SCNN1G: variants seen among roughly 807,000 people sequenced by gnomAD.
SCNN1G encodes the protein sodium channel epithelial 1 subunit gamma.
In SCNN1G, 27 loss-of-function variants were observed where a neutral mutation model predicts 64.6. The observed-to-expected ratio is 0.42, with a 90% CI of 0.31 to 0.58. The LOEUF (loss-of-function observed/expected upper bound fraction) is 0.58, where lower values mean the gene tolerates loss of function less well. Among genes scored for constraint, SCNN1G ranks in the 20% least tolerant of loss-of-function variants. The pLI is 0.18. For missense variants in SCNN1G, 743 were observed against 823.4 expected, an observed-to-expected ratio of 0.90 and a Z score of 1.19; for synonymous variants, 330 against 314.2, an observed-to-expected ratio of 1.05 and a Z score of -0.53.
rs794727094 is a variant in SCNN1G at position 23,215,343 on chromosome 16, T to C, written c.1824T>C (p.Ala608=). The C allele has an allele frequency of 6.2e-7, 1 of 1,614,020 alleles. No individual in the cohort carries two copies. Among genetic ancestry groups the C allele is most frequent in the Admixed American group, 1.7e-5 (1 of 59,990 alleles). The change falls in exon 13 of 13, where the codon GCT becomes GCC. Residue 608 remains alanine, a synonymous_variant. Coordinates refer to ENST00000300061, the MANE Select transcript of SCNN1G (RefSeq NM_001039.4). The part of the protein sequence containing the change: ...IDDDLPTFNS[A]LHLPPALGTQ... Reference sequence around the variant, plus strand: ...ATGACCTACCCACTTTCAACTCTGCTTTGCACCTGCCTCCAGCCCTAGGAA... The same window carrying C: ...ATGACCTACCCACTTTCAACTCTGCCTTGCACCTGCCTCCAGCCCTAGGAA...
chr16:23,189,958 T>C (rs895946563), intron 3 of SCNN1G, among the ~76,000 whole-genome samples: 1 of 152,038 alleles, frequency 6.6e-6, no homozygotes, highest in Non-Finnish European at 1.5e-5. Flanking sequence ...TAATCTCAGC[T>C]ACTTGGGAAG....
At chr16:23,203,818 A>C (rs539992538) in intron 6 of SCNN1G, among the ~76,000 whole-genome samples, 1 of 149,840 alleles carries the variant, frequency 6.7e-6, no homozygotes, top group South Asian at 2.1e-4. Context: ...GCTGAGATTC[A>C]AACCCACCCC....
chr16:23,202,014 G>T (rs1041957503), intron 6 of SCNN1G, among the ~76,000 whole-genome samples: 1 of 152,032 alleles, frequency 6.6e-6, no homozygotes, highest in Non-Finnish European at 1.5e-5. Flanking sequence ...TGGGGGTCTC[G>T]CTATGTTGCT....
At position 23,192,500 on chromosome 16, in the gene SCNN1G, T is replaced by C; in HGVS notation, c.767T>C (p.Leu256Pro). Residue 256 changes from leucine (L) to proline (P), a missense_variant, in exon 4 of 13, where the codon CTG becomes CCG. By Grantham distance (98) the Leu-to-Pro change is moderately conservative. Transcript: ENST00000300061. ...KINMSYSAEE[L>P]LVTCFFDGVS... ...AACATGAGCTATTCTGCTGAGGAGC[T>C]GCTGGTGACCTGCTTCTTTGATGGA... The C allele has an allele frequency of 6.2e-7, 1 of 1,612,928 alleles. No individual in the cohort carries two copies. Among genetic ancestry groups the C allele is most frequent in the South Asian group, 1.1e-5 (1 of 91,016 alleles).
At chr16:23,201,932 TC>T (rs2141937723) in intron 6 of SCNN1G, among the ~76,000 whole-genome samples, 1 of 152,304 alleles carries the variant, frequency 6.6e-6, no homozygotes, top group East Asian at 1.9e-4. Flanking sequence ...TTCTCCTGCC[TC>T]AGCCTTCCAA....
chr16:23,211,949 A>AC, intron 7 of SCNN1G, 85 bp from the exon 8 acceptor site: 1 of 990,220 alleles, frequency 1.0e-6, no homozygotes, highest in Non-Finnish European at 1.6e-6. Flanking sequence ...AGGGAGGCTG[A>AC]CCCCCTGGGC....
intron 11 of SCNN1G, 55 bp downstream of exon 11, chr16:23,213,218 C>A: frequency 4.1e-6 from 5 of 1,228,624 alleles, no homozygotes; most frequent in South Asian, 1.2e-5. Flanking sequence ...CCCCAGCCTT[C>A]TCACTTGCTT....
At chr16:23,210,283 C>T (rs956233053) in intron 7 of SCNN1G, among the ~76,000 whole-genome samples, 30 of 152,120 alleles carry the variant, frequency 2.0e-4, no homozygotes, top group Admixed American at 7.9e-4. Flanking sequence ...ATTTGCAGCT[C>T]CCAGTCGCCT....
chr16:23,199,355 G>T (rs1353636788), intron 6 of SCNN1G, among the ~76,000 whole-genome samples: 3 of 152,106 alleles, frequency 2.0e-5, no homozygotes, highest in African/African-American at 4.8e-5. Context: ...AGTTATTGAT[G>T]CAACCCCCCA....
In SCNN1G at chr16:23,215,095, A is replaced by T. The variant is rs907257211; in HGVS notation, c.1576A>T (p.Met526Leu). ...GGCTTGGCCTGTCTTGCAGATTGAG[A>T]TGCTTCTGTCCAACTTCGGTGGCCA... The part of the protein sequence containing the change: ...IMESPANSIE[M>L]LLSNFGGQLG... The change falls in exon 13 of 13, where the codon ATG (methionine) becomes TTG (leucine). Residue 526 changes from methionine to leucine, a missense_variant. By Grantham distance (15) the Met-to-Leu change is conservative. Coordinates refer to ENST00000300061, the MANE Select transcript of SCNN1G (RefSeq NM_001039.4). 3 of 1,614,014 alleles carry T rather than the reference A, an allele frequency of 1.9e-6. No individual in the cohort carries two copies. Among genetic ancestry groups the T allele is most frequent in the Non-Finnish European group, 8.5e-7 (1 of 1,179,994 alleles).
At chr16:23,210,176 C>T (rs533539097) in intron 7 of SCNN1G, among the ~76,000 whole-genome samples, 5 of 152,180 alleles carry the variant, frequency 3.3e-5, no homozygotes, top group Non-Finnish European at 7.3e-5. Flanking sequence ...GCATGGCTTC[C>T]GGGCCTGCTG....
chr16:23,189,362 C>A lies in SCNN1G; in HGVS notation c.318-9C>A. On this transcript the variant is annotated splice_polypyrimidine_tract_variant and intron_variant, in intron 2 of 12. Coordinates refer to ENST00000300061, the MANE Select transcript of SCNN1G (RefSeq NM_001039.4). Reference sequence around the variant, plus strand: ...CCCTCTCCCTGACTTTTCCTCCCCACCTTGGCAGGTACAGCACCGTTCGCC... The same window carrying A: ...CCCTCTCCCTGACTTTTCCTCCCCAACTTGGCAGGTACAGCACCGTTCGCC... The A allele has an allele frequency of 1.2e-6, 2 of 1,612,790 alleles. No homozygotes were observed. The highest frequency in any genetic ancestry group is 1.1e-5 in the South Asian group (1 of 91,042).
At chr16:23,213,409 C>T (rs537372514) in intron 11 of SCNN1G, among the ~76,000 whole-genome samples, 13 of 152,190 alleles carry the variant, frequency 8.5e-5, no homozygotes, top group African/African-American at 3.1e-4. Context: ...CGCAACATCA[C>T]ATCTGGCTAA....
intron 6 of SCNN1G, among the ~76,000 whole-genome samples, chr16:23,208,100 C>T (rs1252979754): frequency 1.3e-5 from 2 of 152,208 alleles, no homozygotes; most frequent in East Asian, 1.9e-4. Context: ...TATCCTCCCA[C>T]CCCCATTTTT....
In SCNN1G at chr16:23,189,530, G is replaced by A. The variant is rs145602271; in HGVS notation, c.477G>A (p.Pro159=). 142 of 1,614,250 alleles carry A rather than the reference G, an allele frequency of 8.8e-5. No individual in the cohort carries two copies. In the East Asian group the frequency reaches 2.1e-3, roughly 24 times the overall value. Residue 159 remains proline (P), a synonymous_variant, in exon 3 of 13, where the codon CCG becomes CCA. Coordinates refer to ENST00000300061, the MANE Select transcript of SCNN1G (RefSeq NM_001039.4). ...GKQPRFSHRI[P]LLIFDQDEKG... is the part of the protein sequence containing the mutation. ...AGCCTAGATTCTCCCACCGGATTCC[G>A]CTGCTGATCTTTGATCAGGATGAGA... is the stretch of plus-strand genomic sequence containing the variant.
At position 23,212,810 on chromosome 16, in the gene SCNN1G, C is replaced by T. The variant is rs1567269330; in HGVS notation, c.1374-27C>T. The T allele has an allele frequency of 2.5e-6, 4 of 1,613,794 alleles. No homozygotes were observed. The South Asian group carries it at 3.3e-5, about 13-fold the overall frequency. On this transcript the variant is annotated intron_variant, in intron 9 of 12. Transcript: ENST00000300061. Reference sequence around the variant, plus strand: ...TGGCTGGGTTGGGTTGGGCTGCCTACACTCATGCTGTCCCCTCCTCCCTTA... The same window carrying T: ...TGGCTGGGTTGGGTTGGGCTGCCTATACTCATGCTGTCCCCTCCTCCCTTA...
chr16:23,194,147 C>T (rs769542259), intron 4 of SCNN1G, 24 bp from the exon 5 acceptor site: 3 of 1,538,248 alleles, frequency 2.0e-6, no homozygotes, highest in East Asian at 2.2e-5. Flanking sequence ...AGATCCCTTT[C>T]TGACCCATTT....
Position 23,192,408 on chromosome 16 carries a change from C to A in SCNN1G, c.675C>A (p.Ala225=). ...ACACCTTCAGCTCGGGAATCAATGC[C>A]ATTCAGGAGTGGTATAAGCTACACT... The part of the protein sequence containing the change: ...ATYTFSSGIN[A]IQEWYKLHYM... Residue 225 remains alanine (A), a synonymous_variant, in exon 4 of 13, where the codon GCC becomes GCA. Coordinates refer to ENST00000300061, the MANE Select transcript of SCNN1G (RefSeq NM_001039.4). 1.2e-6 allele frequency: 2 copies of A among 1,614,074 alleles called. No individual in the cohort carries two copies. The highest frequency in any genetic ancestry group is 1.7e-6 in the Non-Finnish European group (2 of 1,179,970).
intron 4 of SCNN1G, among the ~76,000 whole-genome samples, chr16:23,193,069 CA>C (rs56318076): frequency 0.016 from 1,101 of 69,096 alleles, 1 homozygote; most frequent in African/African-American, 0.058. Context: ...ACTCTTGTCT[CA>C]AAAAAAAAAA....
Sources: allele counts gnomAD v4.1 joint callset (sites outside exome capture counted in the v4.1 genomes callset), GRCh38; gene constraint gnomAD v4.1.1; transcripts MANE v1.5; gene names NCBI Gene and HGNC (gene_info 2026-07-23, HGNC 2026-07-21).